Variants in SALL3 observed in about 807,000 individuals in gnomAD.
The protein encoded by SALL3 is spalt like transcription factor 3, also known as sal-like protein 3.
Under a neutral mutation model 66.2 loss-of-function variants are expected in SALL3, and 25 were observed. The observed-to-expected ratio is 0.38, with a 90% CI of 0.28 to 0.53. SALL3 has a LOEUF of 0.53. SALL3 is among the 20% of genes least tolerant of loss of function. The probability of loss-of-function intolerance (pLI) is 0.85; values close to 1 mark genes in which losing one functional copy is unlikely to be tolerated. For missense variants in SALL3, 2,194 were observed against 1,916.5 expected (o/e 1.14, Z -2.70); for synonymous variants, 1,152 against 899.1 (o/e 1.28, Z -5.03).
At position 78,980,018 on chromosome 18, in the gene SALL3, G is replaced by C. The variant is rs1198531774; in HGVS notation, c.-257G>C. On this transcript the variant is annotated 5_prime_UTR_variant, in exon 1 of 3. Transcript: ENST00000537592. Reference sequence around the variant, plus strand: ...GAGGCGCCGCGGCCCCCTCCTCGTCGGCGCGGCCGCTAATTGCGAGCGCGG... The same window carrying C: ...GAGGCGCCGCGGCCCCCTCCTCGTCCGCGCGGCCGCTAATTGCGAGCGCGG... 6.9e-6 allele frequency among the ~76,000 whole-genome samples: 1 copy of C among 145,716 alleles called. No individual in the cohort carries two copies. Among genetic ancestry groups the C allele is most frequent in the Non-Finnish European group, 1.5e-5 (1 of 65,600 alleles).
intron 1 of SALL3, among the ~76,000 whole-genome samples, chr18:78,988,345 C>T (rs957000157): frequency 3.9e-5 from 6 of 152,144 alleles, no homozygotes; most frequent in African/African-American, 1.4e-4. Flanking sequence ...CAGATTGGCA[C>T]ATAAACACTG....
In SALL3 at chr18:78,996,528, G is replaced by A. The variant is rs138699005; in HGVS notation, c.3472-363G>A. On this transcript the variant is annotated intron_variant, in intron 2 of 2. Coordinates refer to ENST00000537592, the MANE Select transcript of SALL3 (RefSeq NM_171999.4). ...AGCAGAAGATGCAAAGTGGGGGACA[G>A]TAGAGGTCAGAAGGGAGCCAGGGCT... is the stretch of plus-strand genomic sequence containing the variant. Among the ~76,000 whole-genome samples the A allele has an allele frequency of 8.1e-3, 1,241 of 152,362 alleles. 9 individuals carry two copies. The highest frequency in any genetic ancestry group is 0.01 in the Non-Finnish European group (709 of 68,036).
chr18:78,984,675 T>C (rs930933394), intron 1 of SALL3, among the ~76,000 whole-genome samples: 3 of 152,220 alleles, frequency 2.0e-5, no homozygotes, highest in African/African-American at 4.8e-5. Context: ...TCGACACATT[T>C]ATGATTTAAA....
At position 78,980,003 on chromosome 18, in the gene SALL3, G is replaced by A. The variant is rs1294501416; in HGVS notation, c.-272G>A. ...GCGCGCCCCGGTCCCGAGGCGCCGC[G>A]GCCCCCTCCTCGTCGGCGCGGCCGC... On this transcript the variant is annotated 5_prime_UTR_variant, in exon 1 of 3. Coordinates refer to ENST00000537592, the MANE Select transcript of SALL3 (RefSeq NM_171999.4). Among the ~76,000 whole-genome samples the A allele has an allele frequency of 6.9e-6, 1 of 145,568 alleles. No homozygotes were observed. The highest frequency in any genetic ancestry group is 1.5e-5 in the Non-Finnish European group (1 of 65,522).
chr18:78,992,780 G>A lies in SALL3; in HGVS notation c.789G>A (p.Ala263=), dbSNP rs1455130213. 7.9e-6 allele frequency: 8 copies of A among 1,009,630 alleles called. No homozygotes were observed. The African/African-American group carries it at 1.2e-4, about 15-fold the overall frequency. The allele number at this position is 1,009,630 out of a possible 1,614,324, so 62.5% of individuals were successfully genotyped here. A position where few individuals can be genotyped will look rare whatever the true frequency, so the allele number is the denominator to read the frequency against. ...CCAGCCAGCTGCCCGGGCTGGCCGC[G>A]CTCCCGCTGTCGGCCGGGGCCCCTG... ...PAPSQLPGLA[A]LPLSAGAPAA... The change falls in exon 2 of 3, where the codon GCG becomes GCA. Residue 263 remains alanine (A), a synonymous_variant. Transcript: ENST00000537592.
chr18:78,989,184 AAC>A (rs1306843714), intron 1 of SALL3, among the ~76,000 whole-genome samples: 2 of 152,198 alleles, frequency 1.3e-5, no homozygotes, highest in African/African-American at 2.4e-5. Flanking sequence ...ACAATCGAGA[AAC>A]AGTTGCAATT....
In SALL3 at chr18:78,984,680, T is replaced by A. The variant is rs553474656; in HGVS notation, c.82+4324T>A. On this transcript the variant is annotated intron_variant, in intron 1 of 2. Transcript: ENST00000537592. ...TCATGTAATTTCGACACATTTATGATTTAAAATGCAGCTAACTGATTTCTA... is the reference window on the plus strand; with the variant it reads ...TCATGTAATTTCGACACATTTATGAATTAAAATGCAGCTAACTGATTTCTA... Among the ~76,000 whole-genome samples the A allele has an allele frequency of 1.1e-4, 16 of 152,318 alleles. No homozygotes were observed. The East Asian group carries it at 3.1e-3, about 29-fold the overall frequency.
In SALL3 at chr18:78,993,688, T is replaced by C; in HGVS notation, c.1697T>C (p.Leu566Ser). 1.3e-6 allele frequency: 2 copies of C among 1,582,456 alleles called. 1 individual carries two copies. The highest frequency in any genetic ancestry group is 2.3e-5 in the South Asian group (2 of 88,794). Residue 566 changes from leucine to serine, a missense_variant, in exon 2 of 3, where the codon TTG (leucine) becomes TCG (serine). Physicochemically the swap from Leu to Ser is moderately radical, Grantham distance 145. Transcript: ENST00000537592. ...CCCGCCTCCAGCGAGTGCGCCTCCTTGTCCCCAGGCCTCAACCACGTGGAG... is the reference window on the plus strand; with the variant it reads ...CCCGCCTCCAGCGAGTGCGCCTCCTCGTCCCCAGGCCTCAACCACGTGGAG... ...PSPASSECAS[L>S]SPGLNHVESG...
rs1914511596 is a variant in SALL3, at chr18:78,992,927, C to CGCCCCCAGCGCCGCCCCTGCCCCCGCT, written c.943_969dup (p.Ser315_Pro323dup). 9.9e-7 allele frequency: 1 copy of CGCCCCCAGCGCCGCCCCTGCCCCCGCT among 1,007,938 alleles called. No homozygotes were observed. 62.4% of individuals were successfully genotyped at this position (1,007,938 alleles called of 1,614,324 possible). A position where few individuals can be genotyped will look rare whatever the true frequency, so the allele number is the denominator to read the frequency against. ...GCCCTGCGGAGCCCAGCGCGCCCGC[C>CGCCCCCAGCGCCGCCCCTGCCCCCGCT]GCCCCCAGCGCCGCCCCTGCCCCCG... On this transcript the variant is annotated inframe_insertion, in exon 2 of 3. Transcript: ENST00000537592.
chr18:78,980,980 G>A (rs1914041789), intron 1 of SALL3, among the ~76,000 whole-genome samples: 1 of 152,214 alleles, frequency 6.6e-6, no homozygotes, highest in Non-Finnish European at 1.5e-5. Flanking sequence ...CGGCGGCCTG[G>A]GCCTGGCCCC....
chr18:78,991,572 C>G (rs1176078478), intron 1 of SALL3: 2 of 155,292 alleles, frequency 1.3e-5, no homozygotes, highest in African/African-American at 4.8e-5. Flanking sequence ...TGGAATGTCT[C>G]CGCGCTGCGT....
Position 78,980,241 on chromosome 18 carries a change from C to T in SALL3, c.-34C>T. The stretch of plus-strand genomic sequence containing the variant: ...CCCGCCGGCCGCCCCGCTGATGCCG[C>T]TGCCCCGCGCGGGGCCCGAGCGCCG... On this transcript the variant is annotated 5_prime_UTR_variant, in exon 1 of 3. Transcript: ENST00000537592. 8.9e-7 allele frequency: 1 copy of T among 1,127,934 alleles called. No individual in the cohort carries two copies. Among genetic ancestry groups the T allele is most frequent in the Non-Finnish European group, 1.1e-6 (1 of 906,226 alleles). 69.9% of individuals were successfully genotyped at this position (1,127,934 alleles called of 1,614,324 possible). A position where few individuals can be genotyped will look rare whatever the true frequency, so the allele number is the denominator to read the frequency against.
intron 1 of SALL3, among the ~76,000 whole-genome samples, chr18:78,985,876 T>G (rs1914230014): frequency 6.6e-6 from 1 of 152,378 alleles, no homozygotes; most frequent in South Asian, 2.1e-4. Context: ...AGCCTTTGAA[T>G]GTAAACCATC....
rs1331784872 is a variant in SALL3, at chr18:78,998,964, A to C, written c.*1642A>C. The C allele has an allele frequency of 6.6e-6, 1 of 152,156 alleles. No homozygotes were observed. Among genetic ancestry groups the C allele is most frequent in the Non-Finnish European group, 1.5e-5 (1 of 68,032 alleles). The allele number at this position is 152,156 out of a possible 1,614,324, so 9.4% of individuals were successfully genotyped here. On this transcript the variant is annotated 3_prime_UTR_variant, in exon 3 of 3. Coordinates refer to ENST00000537592, the MANE Select transcript of SALL3 (RefSeq NM_171999.4). ...CTGACACTATGAACTTCCAACAACA[A>C]AATTGTTCAAGAGATGCTCTGGTAG...
intron 2 of SALL3, 128 bp from the exon 3 acceptor site, chr18:78,996,763 C>T: frequency 1.2e-6 from 1 of 863,730 alleles, no homozygotes. Flanking sequence ...GAAAAGTCCA[C>T]CTGTGTTTTG....
At position 78,980,176 on chromosome 18, in the gene SALL3, C is replaced by A. The variant is rs1027818995; in HGVS notation, c.-99C>A. 2.4e-5 allele frequency: 7 copies of A among 292,318 alleles called. No individual in the cohort carries two copies. The Admixed American group carries it at 4.7e-4, about 20-fold the overall frequency. The allele number at this position is 292,318 out of a possible 1,614,324, so 18.1% of individuals were successfully genotyped here. On this transcript the variant is annotated 5_prime_UTR_variant, in exon 1 of 3. Coordinates refer to ENST00000537592, the MANE Select transcript of SALL3 (RefSeq NM_171999.4). Reference sequence around the variant, plus strand: ...GGCCCGCGCAGCCGCCGCCGCCCCGCGCCCCGCGCCGCGCGCCCGCCAGGC... The same window carrying A: ...GGCCCGCGCAGCCGCCGCCGCCCCGAGCCCCGCGCCGCGCGCCCGCCAGGC...
At chr18:78,996,821 G>A (rs909286906) in intron 2 of SALL3, 70 bp from the exon 3 acceptor site, 53 of 1,469,426 alleles carry the variant, frequency 3.6e-5, no homozygotes, top group South Asian at 1.6e-4. Flanking sequence ...TGTCTGCTGC[G>A]CTGGAAGCGG....
chr18:78,984,032 G>C (rs1417712300), intron 1 of SALL3, among the ~76,000 whole-genome samples: 3 of 152,140 alleles, frequency 2.0e-5, no homozygotes, highest in Non-Finnish European at 4.4e-5. Context: ...AACTTCCATG[G>C]CATATGCATT....
chr18:78,996,719 CAA>C (rs1216893419), intron 2 of SALL3, among the ~76,000 whole-genome samples, 170 bp from the exon 3 acceptor site: 1 of 152,216 alleles, frequency 6.6e-6, no homozygotes, highest in Non-Finnish European at 1.5e-5. Context: ...TTCAATAAAA[CAA>C]GATGTTTGCA....
Sources: allele counts gnomAD v4.1 joint callset (sites outside exome capture counted in the v4.1 genomes callset), GRCh38; gene constraint gnomAD v4.1.1; transcripts MANE v1.5; gene names NCBI Gene and HGNC (gene_info 2026-07-23, HGNC 2026-07-21).